The following JHY variants were observed in gnomAD, a reference collection of about 807,000 sequenced individuals.
JHY encodes the protein junctional cadherin complex regulator.
A neutral mutation model predicts 78.0 loss-of-function variants in JHY; 69 were observed. That is an observed-to-expected ratio of 0.88 (90% CI 0.73 to 1.08). The LOEUF (loss-of-function observed/expected upper bound fraction) is 1.08. Among genes scored for constraint, JHY ranks in the 50% least tolerant of loss-of-function variants. JHY has a pLI of 0.00. For missense variants in JHY, 944 were observed against 927.8 expected (o/e 1.02, Z -0.23); for synonymous variants, 368 against 342.6 (o/e 1.07, Z -0.82).
intron 3 of JHY, among the ~76,000 whole-genome samples, chr11:122,916,640 T>C (rs2135327863): frequency 1.3e-5 from 2 of 152,206 alleles, no homozygotes; most frequent in South Asian, 4.2e-4. Context: ...TTGTTTTTTG[T>C]TGTTGTTGTT....
At chr11:122,905,413 T>G in intron 3 of JHY, 1 of 1,431,950 alleles carries the variant, frequency 7.0e-7, no homozygotes, top group Non-Finnish European at 9.1e-7. Flanking sequence ...GAGGTTATTA[T>G]GTTAAATGTG....
chr11:122,934,293 G>A (rs1333454702), intron 4 of JHY, 127 bp from the exon 5 acceptor site: 8 of 437,598 alleles, frequency 1.8e-5, no homozygotes, highest in Non-Finnish European at 2.5e-5. Flanking sequence ...TCCAGCCTGG[G>A]AGACAGTGAG....
intron 5 of JHY, among the ~76,000 whole-genome samples, chr11:122,940,650 A>G (rs1419034200): frequency 6.6e-6 from 1 of 152,168 alleles, no homozygotes; most frequent in Non-Finnish European, 1.5e-5. Context: ...GAGACAGTGT[A>G]ATTATCCTAG....
At chr11:122,890,027 G>A (rs981475650) in intron 2 of JHY, among the ~76,000 whole-genome samples, 2 of 150,440 alleles carry the variant, frequency 1.3e-5, no homozygotes, top group Admixed American at 6.7e-5. Flanking sequence ...GATTACAGGC[G>A]TGAACCACCA....
In JHY at chr11:122,883,465, C is replaced by T. The variant is rs1862428999; in HGVS notation, c.-90+493C>T. On this transcript the variant is annotated intron_variant, in intron 1 of 8. Coordinates refer to ENST00000227349, the MANE Select transcript of JHY (RefSeq NM_024806.4). The surrounding 1 kb of genome is among the most constrained non-coding windows in gnomAD (Gnocchi z 4.4). ...GTCCCATGCTAGTGGACTAGACCCACTGCAGGGATCCCTGGGGAGCTGGCC... is the reference window on the plus strand; with the variant it reads ...GTCCCATGCTAGTGGACTAGACCCATTGCAGGGATCCCTGGGGAGCTGGCC... Among the ~76,000 whole-genome samples the T allele has an allele frequency of 6.6e-6, 1 of 152,202 alleles. No individual in the cohort carries two copies. Among genetic ancestry groups the T allele is most frequent in the African/African-American group, 2.4e-5 (1 of 41,456 alleles).
At chr11:122,934,377 T>A in intron 4 of JHY, 43 bp from the exon 5 acceptor site, 1 of 1,110,252 alleles carries the variant, frequency 9.0e-7, no homozygotes, top group Non-Finnish European at 1.2e-6. Flanking sequence ...TTGTGAAGAG[T>A]GCCAGTCTTC....
chr11:122,956,442 G>A (rs1221555661), intron 6 of JHY, 54 bp from the exon 7 acceptor site: 1 of 1,526,510 alleles, frequency 6.6e-7, no homozygotes, highest in African/African-American at 1.4e-5. Context: ...GGTGTTAGGA[G>A]TCGGGGGACA....
intron 2 of JHY, among the ~76,000 whole-genome samples, chr11:122,900,819 C>T (rs905976816): frequency 4.6e-5 from 7 of 152,042 alleles, no homozygotes; most frequent in Non-Finnish European, 8.8e-5. Context: ...ATTAGATACA[C>T]GCTACAAAGA....
At chr11:122,958,837 CAGTGATGTCTTTGGTCTCAAGCTGTAACA>C in intron 8 of JHY, 2 of 985,124 alleles carry the variant, frequency 2.0e-6, no homozygotes, top group Non-Finnish European at 2.4e-6. Flanking sequence ...ATGTAAACTA[CAGTGATGTCTTTGGTCTCAAGCTGTAACA>C]AGTCTTCTTT....
At chr11:122,940,578 C>T (rs1051415558) in intron 5 of JHY, among the ~76,000 whole-genome samples, 6 of 152,000 alleles carry the variant, frequency 3.9e-5, no homozygotes, top group African/African-American at 1.2e-4. Flanking sequence ...ATTAAGGTAG[C>T]GACTACCAGA....
chr11:122,904,354 A>T lies in JHY; in HGVS notation c.774A>T (p.Lys258Asn), dbSNP rs1482963962. 1 of 1,614,132 alleles carries T rather than the reference A, an allele frequency of 6.2e-7. No homozygotes were observed. The highest frequency in any genetic ancestry group is 1.1e-5 in the South Asian group (1 of 91,080). ...RRKSKQHFVEKNKLTLGLPTP... is the reference protein window; with the variant it reads ...RRKSKQHFVENNKLTLGLPTP... ...AATCCAAACAACATTTTGTGGAAAA[A>T]AACAAGCTCACTTTGGGATTACCCA... The change falls in exon 3 of 9, where the codon AAA (lysine) becomes AAT (asparagine). Residue 258 changes from lysine (K) to asparagine (N), a missense_variant. Coordinates refer to ENST00000227349, the MANE Select transcript of JHY (RefSeq NM_024806.4).
chr11:122,888,403 A>G (rs148712589), intron 2 of JHY, among the ~76,000 whole-genome samples: 30 of 152,330 alleles, frequency 2.0e-4, no homozygotes, highest in African/African-American at 6.0e-4. Context: ...GTTTCACTCA[A>G]TTCTCCATCA....
At chr11:122,913,416 A>C (rs1022436033) in intron 3 of JHY, among the ~76,000 whole-genome samples, 1 of 152,202 alleles carries the variant, frequency 6.6e-6, no homozygotes, top group Admixed American at 6.5e-5. Context: ...ATGTGACGCC[A>C]TGTTACCTTC....
At chr11:122,952,036 T>G (rs1302418037) in intron 6 of JHY, among the ~76,000 whole-genome samples, 1 of 151,970 alleles carries the variant, frequency 6.6e-6, no homozygotes, top group Non-Finnish European at 1.5e-5. Context: ...CCTTTTAGTC[T>G]TGTAACAGCC....
Position 122,940,023 on chromosome 11 carries a change from G to A in JHY, c.1634+4948G>A, listed in dbSNP as rs181063563. ...TGTTCATACATTTCATTTACTTTTTGTCCCTTTAATTAAAAAAAAAAAAAT... is the reference window on the plus strand; with the variant it reads ...TGTTCATACATTTCATTTACTTTTTATCCCTTTAATTAAAAAAAAAAAAAT... On this transcript the variant is annotated intron_variant, in intron 5 of 8. Coordinates refer to ENST00000227349, the MANE Select transcript of JHY (RefSeq NM_024806.4). Among the ~76,000 whole-genome samples the A allele has an allele frequency of 2.3e-3, 320 of 142,024 alleles. 2 individuals carry two copies. The highest frequency in any genetic ancestry group is 7.9e-3 in the African/African-American group (302 of 38,210). 93.2% of individuals were successfully genotyped at this position (142,024 alleles called of 152,430 possible).
Position 122,883,847 on chromosome 11 carries a change from CTAT to C in JHY, c.-90+877_-90+879del, listed in dbSNP as rs1336696333. 6.6e-6 allele frequency among the ~76,000 whole-genome samples: 1 copy of C among 152,168 alleles called. No homozygotes were observed. The highest frequency in any genetic ancestry group is 1.9e-4 in the East Asian group (1 of 5,196). ...TTTATTCATTCCAAGAAAGCTTAGC[CTAT>C]TTCATTTAAGAAGAGAAGTTCAAGG... On this transcript the variant is annotated intron_variant, in intron 1 of 8. Coordinates refer to ENST00000227349, the MANE Select transcript of JHY (RefSeq NM_024806.4). The surrounding 1 kb of genome is among the most constrained non-coding windows in gnomAD (Gnocchi z 4.4).
At chr11:122,949,875 C>T (rs1403316726) in intron 6 of JHY, among the ~76,000 whole-genome samples, 1 of 146,052 alleles carries the variant, frequency 6.8e-6, no homozygotes, top group African/African-American at 2.6e-5. Context: ...CTCGCTTCAT[C>T]GCCCAGGCTG....
chr11:122,911,037 T>C lies in JHY; in HGVS notation c.864+6593T>C, dbSNP rs139868190. 4.5e-4 allele frequency among the ~76,000 whole-genome samples: 68 copies of C among 152,338 alleles called. 1 individual carries two copies. The highest frequency in any genetic ancestry group is 1.5e-3 in the African/African-American group (63 of 41,570). The stretch of plus-strand genomic sequence containing the variant: ...CTGGTGAATAATCAGTTCTTACTTT[T>C]ATTCATGATTTGTTCACTAGCCTAA... On this transcript the variant is annotated intron_variant, in intron 3 of 8. Transcript: ENST00000227349.
chr11:122,945,692 C>T (rs1452770205), intron 5 of JHY, among the ~76,000 whole-genome samples: 2 of 152,150 alleles, frequency 1.3e-5, no homozygotes, highest in Non-Finnish European at 2.9e-5. Context: ...ATCCCTCATC[C>T]AAGATCATTG....
Sources: allele counts gnomAD v4.1 joint callset (sites outside exome capture counted in the v4.1 genomes callset), GRCh38; gene constraint gnomAD v4.1.1; non-coding constraint Gnocchi (gnomAD v3.1); transcripts MANE v1.5; gene names NCBI Gene and HGNC (gene_info 2026-07-23, HGNC 2026-07-21).